The following PCDHGB1 variants were observed in gnomAD, a reference collection of about 807,000 sequenced individuals.
The protein encoded by PCDHGB1 is protocadherin gamma subfamily B, 1.
Under a neutral mutation model 56.6 loss-of-function variants are expected in PCDHGB1, and 34 were observed. The observed-to-expected ratio is 0.60, with a 90% CI of 0.46 to 0.80. The LOEUF (loss-of-function observed/expected upper bound fraction) is 0.80. PCDHGB1 is among the 30% of genes least tolerant of loss of function. PCDHGB1 has a pLI of 0.00. For synonymous variants in PCDHGB1, 561 were observed against 505.9 expected (o/e 1.11, Z -1.46); for missense variants, 1,278 against 1,204.6 (o/e 1.06, Z -0.90).
rs376661062 is a variant in PCDHGB1, at chr5:141,432,185, G to T, written c.2410-62622G>T. 6.2e-6 allele frequency: 10 copies of T among 1,613,956 alleles called. No individual in the cohort carries two copies. The highest frequency in any genetic ancestry group is 8.5e-6 in the Non-Finnish European group (10 of 1,180,030). ...AGGAGTTTCCCTCGTCTCTGTGACC[G>T]CCCACGACCCCGACTGTGAAGAGAA... On this transcript the variant is annotated intron_variant, in intron 1 of 3. Coordinates refer to ENST00000523390, the MANE Select transcript of PCDHGB1 (RefSeq NM_018922.3). The surrounding 1 kb of genome is among the most constrained non-coding windows in gnomAD (Gnocchi z 6.0).
intron 1 of PCDHGB1, chr5:141,384,777 G>A: frequency 1.2e-6 from 2 of 1,613,860 alleles, no homozygotes; most frequent in Non-Finnish European, 1.7e-6. Context: ...CGGGCGAGGT[G>A]CGCACGGCTC....
chr5:141,376,168 G>A (rs757765992), intron 1 of PCDHGB1: 64 of 1,613,990 alleles, frequency 4.0e-5, no homozygotes, highest in East Asian at 2.2e-4. Flanking sequence ...ACCTGGTGGT[G>A]GCGGTGGCCG....
chr5:141,382,592 A>C (rs1264942970), intron 1 of PCDHGB1: 2 of 246,462 alleles, frequency 8.1e-6, no homozygotes, highest in Non-Finnish European at 1.5e-5. Flanking sequence ...TTGAAAGATG[A>C]AACAATTTTC....
chr5:141,355,885 C>T, intron 1 of PCDHGB1: 1 of 1,613,374 alleles, frequency 6.2e-7, no homozygotes, highest in Non-Finnish European at 8.5e-7. Flanking sequence ...TGCCAGGATT[C>T]TCATAATACT....
At chr5:141,413,195 G>A (rs771456948) in intron 1 of PCDHGB1, 2 of 1,610,846 alleles carry the variant, frequency 1.2e-6, no homozygotes, top group Admixed American at 1.7e-5. Context: ...CAAAGGAATC[G>A]CTCAAAGGAA....
intron 1 of PCDHGB1, among the ~76,000 whole-genome samples, chr5:141,480,873 C>A (rs1026513782): frequency 6.6e-6 from 1 of 152,168 alleles, no homozygotes; most frequent in East Asian, 1.9e-4. Context: ...GGTGAAACCC[C>A]GTCTCTACTA....
chr5:141,435,066 G>A (rs936110088), intron 1 of PCDHGB1, among the ~76,000 whole-genome samples: 3 of 151,920 alleles, frequency 2.0e-5, no homozygotes, highest in African/African-American at 7.3e-5. Context: ...GCAGTTTTGT[G>A]TAGACCGTCT....
Position 141,432,377 on chromosome 5 carries a change from C to T in PCDHGB1, c.2410-62430C>T. 3.7e-6 allele frequency: 6 copies of T among 1,614,240 alleles called. No homozygotes were observed. Among genetic ancestry groups the T allele is most frequent in the Non-Finnish European group, 5.1e-6 (6 of 1,180,046 alleles). On this transcript the variant is annotated intron_variant, in intron 1 of 3. Transcript: ENST00000523390. This position sits in a 1 kb window ranked among gnomAD's most constrained non-coding sequence, Gnocchi z 6.0. ...AGTGATGGCGCGGGACAACGGGCAC[C>T]CGCCCCTCAGCAGCAACGTGTCGTT...
At chr5:141,427,776 G>T (rs3828681) in intron 1 of PCDHGB1, 8 of 1,424,704 alleles carry the variant, frequency 5.6e-6, no homozygotes, top group Non-Finnish European at 9.8e-7. Context: ...GGAGCTGCGG[G>T]CACTGTCGTC....
rs750804901 is a variant in PCDHGB1 at position 141,476,422 on chromosome 5, C to G, written c.2410-18385C>G. On this transcript the variant is annotated intron_variant, in intron 1 of 3. Coordinates refer to ENST00000523390, the MANE Select transcript of PCDHGB1 (RefSeq NM_018922.3). The surrounding 1 kb of genome is among the most constrained non-coding windows in gnomAD (Gnocchi z 7.6). ...GAGAGGAGCTGTGTGGGACACTGCC[C>G]TCTTGCACTGTAACTCTGGAGTTGG... 17 of 1,614,026 alleles carry G rather than the reference C, an allele frequency of 1.1e-5. No individual in the cohort carries two copies. The highest frequency in any genetic ancestry group is 1.4e-5 in the Non-Finnish European group (17 of 1,180,030).
chr5:141,403,796 T>C (rs1028690414), intron 1 of PCDHGB1: 3 of 1,613,866 alleles, frequency 1.9e-6, no homozygotes, highest in Non-Finnish European at 1.7e-6. Flanking sequence ...ATACAAATTC[T>C]GGAAAATTAA....
chr5:141,352,511 T>G lies in PCDHGB1; in HGVS notation c.2251T>G (p.Cys751Gly). 6.2e-7 allele frequency: 1 copy of G among 1,614,054 alleles called. No individual in the cohort carries two copies. ...EGTLPYSYNL[C>G]IASHSAKTEF... is the part of the protein sequence containing the mutation. Reference sequence around the variant, plus strand: ...GACTTTGCCCTATTCCTACAATCTATGTATTGCCTCTCATTCTGCAAAGAC... The same window carrying G: ...GACTTTGCCCTATTCCTACAATCTAGGTATTGCCTCTCATTCTGCAAAGAC... Residue 751 changes from cysteine to glycine, a missense_variant, in exon 1 of 4, where the codon TGT becomes GGT. Coordinates refer to ENST00000523390, the MANE Select transcript of PCDHGB1 (RefSeq NM_018922.3).
intron 1 of PCDHGB1, chr5:141,427,415 T>G: frequency 2.1e-6 from 1 of 465,414 alleles, no homozygotes; most frequent in Non-Finnish European, 4.3e-6. Context: ...CGAGAGAAAA[T>G]GGGGAGGTTA....
At chr5:141,400,116 C>T in intron 1 of PCDHGB1, 2 of 1,614,086 alleles carry the variant, frequency 1.2e-6, no homozygotes, top group Non-Finnish European at 1.7e-6. Context: ...TTGCTGACAG[C>T]TTGCAGGAGG....
At chr5:141,402,025 AAC>A (rs1265000731) in intron 1 of PCDHGB1, among the ~76,000 whole-genome samples, 9 of 152,192 alleles carry the variant, frequency 5.9e-5, no homozygotes, top group African/African-American at 1.7e-4. Flanking sequence ...GAATCATTGA[AAC>A]ACAGTCTGTG....
At chr5:141,395,375 G>A (rs761076022) in intron 1 of PCDHGB1, 34 of 1,180,184 alleles carry the variant, frequency 2.9e-5, no homozygotes, top group Non-Finnish European at 3.3e-5. Flanking sequence ...TTTTGGTGGT[G>A]TTACTATAAA....
At chr5:141,381,397 A>G (rs1207743426) in intron 1 of PCDHGB1, among the ~76,000 whole-genome samples, 1 of 152,222 alleles carries the variant, frequency 6.6e-6, no homozygotes, top group Admixed American at 6.5e-5. Flanking sequence ...GTTTTACTCT[A>G]TCAACATCAG....
At chr5:141,430,331 T>C (rs1266364984) in intron 1 of PCDHGB1, among the ~76,000 whole-genome samples, 2 of 150,984 alleles carry the variant, frequency 1.3e-5, no homozygotes, top group Non-Finnish European at 2.9e-5. Context: ...TCATTGTTTA[T>C]AGAAACTTCC....
At chr5:141,502,818 C>T (rs1209481886) in intron 2 of PCDHGB1, among the ~76,000 whole-genome samples, 1 of 150,836 alleles carries the variant, frequency 6.6e-6, no homozygotes, top group Non-Finnish European at 1.5e-5. Context: ...ACTGTCTTTT[C>T]CTTGGGGAAG....
Sources: gnomAD v4.1 joint callset for allele counts (sites outside exome capture counted in the v4.1 genomes callset) on GRCh38, gnomAD v4.1.1 for gene constraint, Gnocchi (gnomAD v3.1) non-coding constraint, MANE v1.5 for transcripts, NCBI Gene and HGNC (gene_info 2026-07-23, HGNC 2026-07-21) for gene names.